The following AKAP13 variants were observed in gnomAD, a reference collection of about 807,000 sequenced individuals.
AKAP13 encodes A-kinase anchoring protein 13.
AKAP13 carries 80 observed loss-of-function variants against 264.5 expected under a neutral mutation model. The observed-to-expected ratio is 0.30, with a 90% confidence interval of 0.25 to 0.36. The LOEUF (loss-of-function observed/expected upper bound fraction) is 0.36, where lower values mean the gene tolerates loss of function less well. Ranked by LOEUF, AKAP13 falls within the 10% of genes least tolerant of loss-of-function variation. AKAP13 has a pLI of 1.00. For missense variants in AKAP13, 3,712 were observed against 3,435.2 expected (o/e 1.08, Z -2.01); for synonymous variants, 1,380 against 1,250.2 (o/e 1.10, Z -2.19).
Position 85,579,489 on chromosome 15 carries a change from G to A in AKAP13, c.1421G>A (p.Ser474Asn), listed in dbSNP as rs149404999. The change falls in exon 7 of 37, where the codon AGT (serine) becomes AAT (asparagine). Residue 474 changes from serine (S) to asparagine (N), a missense_variant. Coordinates refer to ENST00000394518, the MANE Select transcript of AKAP13 (RefSeq NM_007200.5). ...ELGGISTTNVSTPDTAGEMEH... is the reference protein window; with the variant it reads ...ELGGISTTNVNTPDTAGEMEH... The stretch of plus-strand genomic sequence containing the variant: ...GGAGGCATTTCAACAACAAATGTCA[G>A]TACCCCAGACACTGCAGGGGAAATG... The A allele has an allele frequency of 1.2e-6, 2 of 1,614,060 alleles. No individual in the cohort carries two copies. The highest frequency in any genetic ancestry group is 2.7e-5 in the African/African-American group (2 of 74,926).
rs60271542 is a variant in AKAP13, at chr15:85,546,321, A to AACACACACACACACAC, written c.662+2390_662+2405dup. Among the ~76,000 whole-genome samples, 1,311 of 145,232 alleles carry AACACACACACACACAC rather than the reference A, an allele frequency of 9.0e-3. 16 individuals are homozygous for AACACACACACACACAC. Among genetic ancestry groups the AACACACACACACACAC allele is most frequent in the Middle Eastern group, 0.024 (7 of 286 alleles). ...TAAATTTATATAATTGTTGTTACCA[A>AACACACACACACACAC]ACACACACACACACACACACACACA... On this transcript the variant is annotated intron_variant, in intron 5 of 36. Transcript: ENST00000394518.
chr15:85,512,860 T>C (rs1031555266), intron 2 of AKAP13, among the ~76,000 whole-genome samples: 1 of 119,408 alleles, frequency 8.4e-6, no homozygotes, highest in Non-Finnish European at 2.1e-5. Context: ...TATGTATGTA[T>C]GTATGTATGT....
chr15:85,533,578 C>G lies in AKAP13; in HGVS notation c.182-6C>G, dbSNP rs1277907286. The G allele has an allele frequency of 4.4e-6, 7 of 1,598,524 alleles. No individual in the cohort carries two copies. The highest frequency in any genetic ancestry group is 6.0e-6 in the Non-Finnish European group (7 of 1,171,316). ...CTGTTTTATTTGCTGCCTGTGTTTC[C>G]TTTAGGTCATGATTGTTGTGAAACA... On this transcript the variant is annotated splice_region_variant and splice_polypyrimidine_tract_variant and intron_variant, in intron 3 of 36. Coordinates refer to ENST00000394518, the MANE Select transcript of AKAP13 (RefSeq NM_007200.5).
intron 12 of AKAP13, 46 bp from the exon 13 acceptor site, chr15:85,664,517 T>G: frequency 6.5e-7 from 1 of 1,542,342 alleles, no homozygotes; most frequent in Non-Finnish European, 8.8e-7. Context: ...CCTTTGTTTT[T>G]GAGACCCAGA....
chr15:85,679,355 G>A (rs1005830756), intron 14 of AKAP13, among the ~76,000 whole-genome samples: 6 of 152,172 alleles, frequency 3.9e-5, no homozygotes, highest in Non-Finnish European at 8.8e-5. Flanking sequence ...ACGGAAGCTT[G>A]CAGAAACTTT....
At chr15:85,709,933 C>A (rs2086544956) in intron 18 of AKAP13, among the ~76,000 whole-genome samples, 1 of 152,024 alleles carries the variant, frequency 6.6e-6, no homozygotes, top group Non-Finnish European at 1.5e-5. Flanking sequence ...GGTGATCCAC[C>A]CACCTCAGCC....
chr15:85,469,669 TGTGCACATA>T (rs1278003260), intron 1 of AKAP13, among the ~76,000 whole-genome samples: 1 of 152,196 alleles, frequency 6.6e-6, no homozygotes, highest in Non-Finnish European at 1.5e-5. Flanking sequence ...TGTTAATAAG[TGTGCACATA>T]GACTTTGGCC....
chr15:85,734,265 T>G (rs1047146471), intron 30 of AKAP13, among the ~76,000 whole-genome samples: 16 of 152,356 alleles, frequency 1.1e-4, no homozygotes, highest in African/African-American at 3.1e-4. Context: ...TAACTTTATA[T>G]GGGATTTGAC....
intron 14 of AKAP13, among the ~76,000 whole-genome samples, chr15:85,670,430 C>T (rs745550722): frequency 6.6e-6 from 1 of 150,900 alleles, no homozygotes; most frequent in Non-Finnish European, 1.5e-5. Flanking sequence ...ATAAGAGTAC[C>T]TTATACTCTT....
intron 5 of AKAP13, among the ~76,000 whole-genome samples, chr15:85,571,592 C>T (rs1455554974): frequency 6.6e-6 from 1 of 152,206 alleles, no homozygotes; most frequent in Non-Finnish European, 1.5e-5. Flanking sequence ...CTTGATCCAC[C>T]ACATTTAAAA....
At chr15:85,448,945 G>C (rs187795456) in intron 1 of AKAP13, among the ~76,000 whole-genome samples, 4 of 149,894 alleles carry the variant, frequency 2.7e-5, no homozygotes, top group East Asian at 2.0e-4. Context: ...GAAGAATGTC[G>C]TTGGTAGTTT....
At chr15:85,723,952 A>G (rs145677927) in intron 26 of AKAP13, among the ~76,000 whole-genome samples, 233 of 152,292 alleles carry the variant, frequency 1.5e-3, no homozygotes, top group East Asian at 2.3e-3. Context: ...TAAAGAAGCT[A>G]TGAGGCTTGT....
Position 85,724,390 on chromosome 15 carries a change from G to T in AKAP13, c.6745+1070G>T, listed in dbSNP as rs1254941729. On this transcript the variant is annotated intron_variant, in intron 26 of 36. Coordinates refer to ENST00000394518, the MANE Select transcript of AKAP13 (RefSeq NM_007200.5). This position sits in a 1 kb window ranked among gnomAD's most constrained non-coding sequence, Gnocchi z 4.2. ...GGAGAAAGCAAGAGGAATAGCAATA[G>T]AGTCAAGTCTTGAAGGATGACGGCA... Among the ~76,000 whole-genome samples, 2 of 152,144 alleles carry T rather than the reference G, an allele frequency of 1.3e-5. No homozygotes were observed. The highest frequency in any genetic ancestry group is 4.8e-5 in the African/African-American group (2 of 41,418).
At chr15:85,692,273 T>A (rs1009084101) in intron 16 of AKAP13, among the ~76,000 whole-genome samples, 1 of 152,228 alleles carries the variant, frequency 6.6e-6, no homozygotes, top group African/African-American at 2.4e-5. Flanking sequence ...TTATGAGTAA[T>A]TAATAATATT....
chr15:85,635,352 G>A (rs961428611), intron 8 of AKAP13, among the ~76,000 whole-genome samples: 1 of 151,868 alleles, frequency 6.6e-6, no homozygotes, highest in Non-Finnish European at 1.5e-5. Flanking sequence ...TCTGCCTTTC[G>A]TATATCTTTT....
At position 85,521,899 on chromosome 15, in the gene AKAP13, G is replaced by T. The variant is rs1157862371; in HGVS notation, c.181+324G>T. ...GGCAAAAATGATGTTGAAAATTCAAGGATTTAAAGATTCTAGAGAGTCTCT... is the reference window on the plus strand; with the variant it reads ...GGCAAAAATGATGTTGAAAATTCAATGATTTAAAGATTCTAGAGAGTCTCT... On this transcript the variant is annotated intron_variant, in intron 3 of 36. Coordinates refer to ENST00000394518, the MANE Select transcript of AKAP13 (RefSeq NM_007200.5). 2.6e-5 allele frequency among the ~76,000 whole-genome samples: 4 copies of T among 152,104 alleles called. No individual in the cohort carries two copies. In the East Asian group the frequency reaches 7.7e-4, roughly 29 times the overall value.
intron 15 of AKAP13, chr15:85,684,449 G>A: frequency 4.5e-6 from 1 of 219,898 alleles, no homozygotes; most frequent in Non-Finnish European, 8.9e-6. Context: ...TTTAGTCCCA[G>A]CTTACTCTAG....
At chr15:85,534,278 A>G (rs1016860455) in intron 4 of AKAP13, 42 of 216,322 alleles carry the variant, frequency 1.9e-4, no homozygotes, top group Admixed American at 4.4e-4. Flanking sequence ...CCTGGAAGTG[A>G]AGGAGAGGAA....
At position 85,416,934 on chromosome 15, in the gene AKAP13, A is replaced by G. The variant is rs150702042; in HGVS notation, c.-12+36136A>G. On this transcript the variant is annotated intron_variant, in intron 1 of 36. Transcript: ENST00000394518. ...GTCCACAAATGATTATAGGATTGAC[A>G]TTTGTTATTTGGTGGAGTTTGATAT... Among the ~76,000 whole-genome samples the G allele has an allele frequency of 2.0e-3, 303 of 152,312 alleles. 7 individuals are homozygous for G. Among genetic ancestry groups the G allele is most frequent in the Middle Eastern group, 0.017 (5 of 294 alleles).
Sources: gnomAD v4.1 joint callset for allele counts (sites outside exome capture counted in the v4.1 genomes callset) on GRCh38, gnomAD v4.1.1 for gene constraint, Gnocchi (gnomAD v3.1) non-coding constraint, MANE v1.5 for transcripts, NCBI Gene and HGNC (gene_info 2026-07-23, HGNC 2026-07-21) for gene names.